The following SCN3A variants were observed in gnomAD, a reference collection of about 807,000 sequenced individuals.
SCN3A encodes the protein sodium channel protein type 3 subunit alpha.
Under a neutral mutation model 187.6 loss-of-function variants are expected in SCN3A, and 60 were observed. The observed-to-expected ratio is 0.32, with a 90% confidence interval of 0.26 to 0.40. The LOEUF (loss-of-function observed/expected upper bound fraction) is 0.40. SCN3A is among the 10% of genes least tolerant of loss of function. The pLI, the probability that SCN3A is intolerant of heterozygous loss-of-function variation, is 1.00. For synonymous variants in SCN3A, 788 were observed against 829.2 expected, an observed-to-expected ratio of 0.95 and a Z score of 0.85; for missense variants, 1,601 against 2,428.2, an observed-to-expected ratio of 0.66 and a Z score of 7.16.
intron 22 of SCN3A, among the ~76,000 whole-genome samples, chr2:165,099,955 G>GA (rs1685529479): frequency 6.6e-6 from 1 of 152,126 alleles, no homozygotes; most frequent in East Asian, 1.9e-4. Context: ...TTGAGAGAAA[G>GA]AAACTCCCCA....
rs61608647 is a variant in SCN3A, at chr2:165,161,137, C to CTTTTTTTTTTTTTTTTT, written c.1031+1154_1031+1170dup. 5.7e-3 allele frequency among the ~76,000 whole-genome samples: 530 copies of CTTTTTTTTTTTTTTTTT among 93,374 alleles called. 2 individuals are homozygous for CTTTTTTTTTTTTTTTTT. Among genetic ancestry groups the CTTTTTTTTTTTTTTTTT allele is most frequent in the Non-Finnish European group, 8.0e-3 (359 of 44,964 alleles). 61.3% of individuals were successfully genotyped at this position (93,374 alleles called of 152,430 possible). On this transcript the variant is annotated intron_variant, in intron 9 of 27. Coordinates refer to ENST00000283254, the MANE Select transcript of SCN3A (RefSeq NM_006922.4). ...TTTCTTTTCTTTTTTTTCTTTCTTTCTTTTTTTTTTTTTTTTTTTTTTTTT... is the reference window on the plus strand; with the variant it reads ...TTTCTTTTCTTTTTTTTCTTTCTTTCTTTTTTTTTTTTTTTTTTTTTTTTTTTTTTTTTTTTTTTTTT...
At chr2:165,113,740 G>A in intron 20 of SCN3A, 76 bp downstream of exon 20, 3 of 1,469,256 alleles carry the variant, frequency 2.0e-6, no homozygotes, top group Admixed American at 1.7e-5. Context: ...CTGAAGCTCA[G>A]TGTTTGCATC....
chr2:165,181,052 T>A (rs1690818854), intron 2 of SCN3A, among the ~76,000 whole-genome samples: 1 of 152,184 alleles, frequency 6.6e-6, no homozygotes, highest in African/African-American at 2.4e-5. Context: ...AACAACTATA[T>A]TATTCAAAAC....
At chr2:165,133,886 A>G (rs1687505780) in intron 15 of SCN3A, among the ~76,000 whole-genome samples, 1 of 152,102 alleles carries the variant, frequency 6.6e-6, no homozygotes, top group Non-Finnish European at 1.5e-5. Flanking sequence ...AAATCCACAT[A>G]TTACTGAAAG....
Position 165,137,940 on chromosome 2 carries a change from A to C in SCN3A, c.2330T>G (p.Met777Arg), listed in dbSNP as rs775364009. 1 of 1,613,520 alleles carries C rather than the reference A, an allele frequency of 6.2e-7. No homozygotes were observed. The highest frequency in any genetic ancestry group is 8.5e-7 in the Non-Finnish European group (1 of 1,179,524). The change falls in exon 15 of 28, where the codon ATG becomes AGG. Residue 777 changes from methionine (M) to arginine (R), a missense_variant. By Grantham distance (91) the Met-to-Arg change is moderately conservative. Transcript: ENST00000283254. ...TICIVLNTLF[M>R]AMEHYPMTEQ... ...AGTCATGGGGTAGTGCTCCATGGCC[A>C]TAAAGAGGGTATTTAAGACAATGCA... is the stretch of plus-strand genomic sequence containing the variant.
chr2:165,113,331 T>G (rs1402563693), intron 20 of SCN3A, among the ~76,000 whole-genome samples: 1 of 152,160 alleles, frequency 6.6e-6, no homozygotes, highest in African/African-American at 2.4e-5. Flanking sequence ...ATGCTTTTAA[T>G]GAAGTAATAT....
intron 21 of SCN3A, among the ~76,000 whole-genome samples, chr2:165,107,949 A>G (rs1452094230): frequency 1.3e-5 from 2 of 152,216 alleles, no homozygotes; most frequent in Non-Finnish European, 2.9e-5. Context: ...TACCAAATCC[A>G]GCTTGGCCAC....
At chr2:165,146,687 A>G in intron 12 of SCN3A, 52 bp downstream of exon 12, 2 of 1,602,624 alleles carry the variant, frequency 1.2e-6, no homozygotes, top group African/African-American at 1.3e-5. Context: ...TACAAAAACT[A>G]AAAAGCAATA....
chr2:165,111,415 T>C, intron 21 of SCN3A, among the ~76,000 whole-genome samples: 1 of 152,046 alleles, frequency 6.6e-6, no homozygotes. Flanking sequence ...GTATTTAGTG[T>C]TCCATCTTTG....
intron 21 of SCN3A, among the ~76,000 whole-genome samples, chr2:165,106,414 T>G (rs1685862513): frequency 6.6e-6 from 1 of 152,236 alleles, no homozygotes; most frequent in South Asian, 2.1e-4. Flanking sequence ...GAAAAAATTT[T>G]AAAGTGCAAT....
rs537742129 is a variant in SCN3A, at chr2:165,187,543, C to CA, written c.-247-797dup. On this transcript the variant is annotated intron_variant, in intron 1 of 27. Transcript: ENST00000283254. ...AATTTCCCTTGGCCACTTACCATAACAAAAAAACATTAAATCTCACTTTTA... is the reference window on the plus strand; with the variant it reads ...AATTTCCCTTGGCCACTTACCATAACAAAAAAAACATTAAATCTCACTTTTA... 1.1e-4 allele frequency among the ~76,000 whole-genome samples: 16 copies of CA among 152,216 alleles called. No individual in the cohort carries two copies. In the South Asian group the frequency reaches 1.9e-3, roughly 18 times the overall value.
chr2:165,198,842 C>A (rs1692145171), intron 1 of SCN3A, among the ~76,000 whole-genome samples: 1 of 151,774 alleles, frequency 6.6e-6, no homozygotes, highest in Admixed American at 6.6e-5. Flanking sequence ...ATAATAAAAA[C>A]AACTTATATG....
intron 9 of SCN3A, among the ~76,000 whole-genome samples, chr2:165,156,133 T>C (rs1280789464): frequency 6.6e-6 from 1 of 152,088 alleles, no homozygotes; most frequent in African/African-American, 2.4e-5. Context: ...ACATTTAGAA[T>C]GGCAGAAAGC....
chr2:165,190,525 T>C (rs1464858760), intron 1 of SCN3A, among the ~76,000 whole-genome samples: 1 of 146,240 alleles, frequency 6.8e-6, no homozygotes, highest in Non-Finnish European at 1.5e-5. Flanking sequence ...TATATAACTT[T>C]ATATATATAA....
chr2:165,147,294 GGT>G (rs796110683), intron 11 of SCN3A, among the ~76,000 whole-genome samples: 22,551 of 130,836 alleles, frequency 0.17, 1,904 homozygotes, highest in East Asian at 0.29. Flanking sequence ...GGGGGGGGGG[GGT>G]TGGTGACAAC....
Position 165,131,219 on chromosome 2 carries a change from G to A in SCN3A, c.2565+25C>T, listed in dbSNP as rs185456062. On this transcript the variant is annotated intron_variant, in intron 16 of 27. Coordinates refer to ENST00000283254, the MANE Select transcript of SCN3A (RefSeq NM_006922.4). ...CAAAATAAATGTTGTGCCAATGAGC[G>A]ACAGGGATATATATAAATAGATACC... The A allele has an allele frequency of 1.2e-4, 175 of 1,465,452 alleles. 1 individual carries two copies. The Middle Eastern group carries it at 2.0e-3, about 16-fold the overall frequency. 90.8% of individuals were successfully genotyped at this position (1,465,452 alleles called of 1,614,324 possible).
chr2:165,117,078 C>A (rs1686409063), intron 18 of SCN3A, among the ~76,000 whole-genome samples: 1 of 150,846 alleles, frequency 6.6e-6, no homozygotes, highest in Admixed American at 6.6e-5. Flanking sequence ...TTAAGAAAGA[C>A]CTAGGAAAAT....
intron 18 of SCN3A, among the ~76,000 whole-genome samples, chr2:165,122,239 C>CTTTTTTTTTT (rs1286913407): frequency 7.8e-6 from 1 of 128,908 alleles, no homozygotes; most frequent in African/African-American, 2.9e-5. Context: ...TCTTTTTTTT[C>CTTTTTTTTTT]TTTTTTTTTT....
At chr2:165,199,741 A>T (rs1692199154) in intron 1 of SCN3A, among the ~76,000 whole-genome samples, 1 of 152,056 alleles carries the variant, frequency 6.6e-6, no homozygotes, top group African/African-American at 2.4e-5. Flanking sequence ...GCCTATCAGG[A>T]AGTTAATAAA....
Sources: allele counts gnomAD v4.1 joint callset (sites outside exome capture counted in the v4.1 genomes callset), GRCh38; gene constraint gnomAD v4.1.1; transcripts MANE v1.5; gene names NCBI Gene and HGNC (gene_info 2026-07-23, HGNC 2026-07-21).